MAP3K5: variants seen among roughly 807,000 people sequenced by gnomAD.
MAP3K5 encodes the protein mitogen-activated protein kinase kinase kinase 5, also known as ASK-1.
A neutral mutation model predicts 158.7 loss-of-function variants in MAP3K5; 56 were observed. The ratio of observed to expected loss-of-function variants is 0.35; its 90% CI spans 0.28 to 0.44. The LOEUF is 0.44. MAP3K5 is among the 20% of genes least tolerant of loss of function. The pLI, the probability that MAP3K5 is intolerant of heterozygous loss-of-function variation, is 1.00. For missense variants in MAP3K5, 1,294 were observed against 1,674.8 expected (o/e 0.77, Z 3.97); for synonymous variants, 579 against 601.7 (o/e 0.96, Z 0.55).
chr6:136,666,610 C>T (rs1779240333), intron 8 of MAP3K5, among the ~76,000 whole-genome samples: 1 of 152,078 alleles, frequency 6.6e-6, no homozygotes, highest in Non-Finnish European at 1.5e-5. Context: ...CAATTAACAT[C>T]ATTATTATAT....
chr6:136,753,397 G>A (rs1783312221), intron 1 of MAP3K5, among the ~76,000 whole-genome samples: 1 of 152,120 alleles, frequency 6.6e-6, no homozygotes, highest in Non-Finnish European at 1.5e-5. Context: ...ACAGCATGCA[G>A]AATGGTAAGG....
intron 7 of MAP3K5, among the ~76,000 whole-genome samples, chr6:136,692,090 T>C (rs1369707331): frequency 9.3e-5 from 14 of 151,350 alleles, no homozygotes. Context: ...TTTTTTTTAA[T>C]AAGACAAGGT....
At position 136,558,820 on chromosome 6, in the gene MAP3K5, G is replaced by C; in HGVS notation, c.4044C>G (p.Asp1348Glu). The C allele has an allele frequency of 6.2e-7, 1 of 1,603,058 alleles. No individual in the cohort carries two copies. Among genetic ancestry groups the C allele is most frequent in the Admixed American group, 1.7e-5 (1 of 59,876 alleles). The change falls in exon 29 of 30, where the codon GAC becomes GAG. Residue 1348 changes from aspartate (D) to glutamate (E), a missense_variant. Asp to Glu is a conservative substitution (Grantham distance 45). This residue lies in a region of MAP3K5 where 199 missense variants were observed against 220.3 expected (regional missense o/e 0.90). Transcript: ENST00000359015. ...GGTACCTTAGTCTCAAGCATTTTAA[G>C]TCATCACGTGTAACATAGTAGAGAA... ...LDVLYYVTRD[D>E]LKCLRLRGGM...
Position 136,735,068 on chromosome 6 carries a change from G to C in MAP3K5, c.449-14479C>G, listed in dbSNP as rs150564147. ...CAGGGAGAACTTCACATTCTCTGAT[G>C]ATGTTCAGTAGCAAAAATGGCTATG... On this transcript the variant is annotated intron_variant, in intron 1 of 29. Coordinates refer to ENST00000359015, the MANE Select transcript of MAP3K5 (RefSeq NM_005923.4). Among the ~76,000 whole-genome samples the C allele has an allele frequency of 1.1e-3, 162 of 152,358 alleles. 1 individual carries two copies. In the East Asian group the frequency reaches 0.019, roughly 18 times the overall value.
chr6:136,774,528 C>T (rs569065651), intron 1 of MAP3K5, among the ~76,000 whole-genome samples: 1 of 152,264 alleles, frequency 6.6e-6, no homozygotes, highest in South Asian at 2.1e-4. Context: ...TCTCCCTTAC[C>T]AGACTGTGAG....
chr6:136,785,670 T>C (rs1455439960), intron 1 of MAP3K5, among the ~76,000 whole-genome samples: 1 of 152,162 alleles, frequency 6.6e-6, no homozygotes, highest in African/African-American at 2.4e-5. Context: ...TCACACAGCA[T>C]CCCGGTTCTC....
chr6:136,600,613 A>G (rs953265123), intron 21 of MAP3K5, among the ~76,000 whole-genome samples: 2 of 152,218 alleles, frequency 1.3e-5, no homozygotes, highest in African/African-American at 2.4e-5. Context: ...CAAAGGCACA[A>G]TAACTCCTGG....
intron 14 of MAP3K5, among the ~76,000 whole-genome samples, chr6:136,631,038 GC>G (rs1229379605): frequency 6.6e-6 from 1 of 152,158 alleles, no homozygotes; most frequent in African/African-American, 2.4e-5. Context: ...GATAGAGGCT[GC>G]AATGAGCCGA....
intron 12 of MAP3K5, 51 bp from the exon 13 acceptor site, chr6:136,639,689 A>G: frequency 2.4e-6 from 2 of 849,548 alleles, no homozygotes; most frequent in Admixed American, 5.0e-5. Flanking sequence ...CAATTCTTCT[A>G]CAGTCCTATG....
chr6:136,718,536 T>C (rs969243485), intron 2 of MAP3K5, among the ~76,000 whole-genome samples: 6 of 152,210 alleles, frequency 3.9e-5, no homozygotes, highest in African/African-American at 1.2e-4. Context: ...ACTTGGTACC[T>C]AGCACATAGT....
chr6:136,649,689 G>A (rs1357111552), intron 11 of MAP3K5, among the ~76,000 whole-genome samples: 1 of 152,174 alleles, frequency 6.6e-6, no homozygotes, highest in Non-Finnish European at 1.5e-5. Flanking sequence ...TCAAAGTTAG[G>A]ATTTAGTCCA....
At chr6:136,683,055 A>G (rs1000193220) in intron 7 of MAP3K5, among the ~76,000 whole-genome samples, 17 of 152,210 alleles carry the variant, frequency 1.1e-4, no homozygotes, top group Non-Finnish European at 2.1e-4. Flanking sequence ...GGGGGAGCAG[A>G]AAAAAATACA....
rs1181290034 is a variant in MAP3K5, at chr6:136,697,290, G to A, written c.904C>T (p.Arg302Ter). 1 of 1,613,644 alleles carries A rather than the reference G, an allele frequency of 6.2e-7. No homozygotes were observed. ...LAAELARIRQ[R>*]VDNIEVLTAD... ...GTCAAGACTTCGATATTATCTACTC[G>A]CTGCCGAATTCTTGCCAACTCAGCT... is the stretch of plus-strand genomic sequence containing the variant. The change falls in exon 5 of 30, where the codon CGA becomes TGA. Residue 302 changes from arginine (R) to a stop codon, truncating the protein, a stop_gained. Transcript: ENST00000359015. LOFTEE classifies it high-confidence loss of function.
intron 14 of MAP3K5, among the ~76,000 whole-genome samples, chr6:136,626,308 G>T (rs1403726016): frequency 2.6e-5 from 4 of 152,314 alleles, no homozygotes; most frequent in African/African-American, 9.6e-5. Context: ...TCTGGCTCAG[G>T]ACAGAGGCCA....
In MAP3K5 at chr6:136,657,294, T is replaced by C. The variant is rs538960993; in HGVS notation, c.1527-834A>G. On this transcript the variant is annotated intron_variant, in intron 9 of 29. Transcript: ENST00000359015. Reference sequence around the variant, plus strand: ...GGATAATTATAGGTGATAATGGCTATGCAGGCGCTTTATGGACTATAAACA... The same window carrying C: ...GGATAATTATAGGTGATAATGGCTACGCAGGCGCTTTATGGACTATAAACA... Among the ~76,000 whole-genome samples, 15 of 152,348 alleles carry C rather than the reference T, an allele frequency of 9.8e-5. No individual in the cohort carries two copies. In the East Asian group the frequency reaches 2.9e-3, roughly 29 times the overall value.
intron 27 of MAP3K5, 150 bp downstream of exon 27, chr6:136,562,353 G>C: frequency 2.3e-6 from 1 of 438,148 alleles, no homozygotes; most frequent in Non-Finnish European, 4.1e-6. Flanking sequence ...TTAAAAACTG[G>C]ATTTTTTTTT....
At chr6:136,785,822 A>G (rs1784820338) in intron 1 of MAP3K5, among the ~76,000 whole-genome samples, 2 of 152,170 alleles carry the variant, frequency 1.3e-5, no homozygotes, top group Non-Finnish European at 2.9e-5. Flanking sequence ...CTCTAATACA[A>G]GAAAAGTCCC....
rs756063799 is a variant in MAP3K5 at position 136,688,996 on chromosome 6, G to GA, written c.1253+5143dup. 3.0e-3 allele frequency among the ~76,000 whole-genome samples: 437 copies of GA among 144,356 alleles called. 1 individual carries two copies. The highest frequency in any genetic ancestry group is 7.2e-3 in the Middle Eastern group (2 of 278). The allele number at this position is 144,356 out of a possible 152,430, so 94.7% of individuals were successfully genotyped here. A position where few individuals can be genotyped will look rare whatever the true frequency, so the allele number is the denominator to read the frequency against. On this transcript the variant is annotated intron_variant, in intron 7 of 29. Transcript: ENST00000359015. ...ATTACACTCCTCTTTTGTAATAGCAGAAAAAAAAAAAACTTGGTTAAGGCC... is the reference window on the plus strand; with the variant it reads ...ATTACACTCCTCTTTTGTAATAGCAGAAAAAAAAAAAAACTTGGTTAAGGCC...
intron 23 of MAP3K5, among the ~76,000 whole-genome samples, chr6:136,589,118 A>T (rs1351584963): frequency 6.6e-6 from 1 of 152,200 alleles, no homozygotes; most frequent in Non-Finnish European, 1.5e-5. Flanking sequence ...ACAGGCTGAG[A>T]TTGTTTACTA....
Sources: gnomAD v4.1 joint callset for allele counts (sites outside exome capture counted in the v4.1 genomes callset) on GRCh38, gnomAD v4.1.1 for gene constraint, gnomAD v4.1.1 regional missense constraint, MANE v1.5 for transcripts, NCBI Gene and HGNC (gene_info 2026-07-23, HGNC 2026-07-21) for gene names.